The following APAF1 variants were observed in gnomAD, a reference collection of about 807,000 sequenced individuals.
APAF1 encodes apoptotic peptidase activating factor 1.
A neutral mutation model predicts 152.4 loss-of-function variants in APAF1; 91 were observed. The observed-to-expected ratio is 0.60, with a 90% confidence interval of 0.50 to 0.71. The LOEUF (loss-of-function observed/expected upper bound fraction) is 0.71, where lower values mean the gene tolerates loss of function less well. Among genes scored for constraint, APAF1 ranks in the 30% least tolerant of loss-of-function variants. APAF1 has a pLI of 0.00. For synonymous variants in APAF1, 484 were observed against 494.1 expected, an observed-to-expected ratio of 0.98 and a Z score of 0.27; for missense variants, 1,283 against 1,472.0, an observed-to-expected ratio of 0.87 and a Z score of 2.10.
In APAF1 at chr12:98,723,296, T is replaced by A; in HGVS notation, c.3188T>A (p.Phe1063Tyr). 1 of 1,613,652 alleles carries A rather than the reference T, an allele frequency of 6.2e-7. No individual in the cohort carries two copies. The highest frequency in any genetic ancestry group is 8.5e-7 in the Non-Finnish European group (1 of 1,179,628). The change falls in exon 23 of 27, where the codon TTT becomes TAT. Residue 1063 changes from phenylalanine (F) to tyrosine (Y), a missense_variant. Physicochemically the swap from Phe to Tyr is conservative, Grantham distance 22 (BLOSUM62 3). Coordinates refer to ENST00000551964, the MANE Select transcript of APAF1 (RefSeq NM_181861.2). ...AATTCAAGACTGCTTTCTTGGTCAT[T>A]TGATGGAACAGTGAAGGTAATTTAA... ...LKNSRLLSWS[F>Y]DGTVKVWNII... is the part of the protein sequence containing the mutation.
rs116988718 is a variant in APAF1, at chr12:98,723,188, T to C, written c.3085-5T>C. On this transcript the variant is annotated splice_polypyrimidine_tract_variant and splice_region_variant and intron_variant, in intron 22 of 26. Coordinates refer to ENST00000551964, the MANE Select transcript of APAF1 (RefSeq NM_181861.2). ...TTATAACAGACTTATTTCTTTGATA[T>C]TCAGGTATGGAATTGGCAATTGGAC... The C allele has an allele frequency of 4.8e-5, 77 of 1,613,098 alleles. No homozygotes were observed. Among genetic ancestry groups the C allele is most frequent in the Non-Finnish European group, 6.3e-5 (74 of 1,179,280 alleles).
chr12:98,711,002 G>T (rs1282453471), intron 20 of APAF1, among the ~76,000 whole-genome samples: 2 of 152,166 alleles, frequency 1.3e-5, no homozygotes, highest in African/African-American at 2.4e-5. Context: ...TTTACTGTGG[G>T]TGTCAAAATC....
At chr12:98,647,617 G>A (rs1372488594) in intron 1 of APAF1, among the ~76,000 whole-genome samples, 4 of 151,326 alleles carry the variant, frequency 2.6e-5, no homozygotes, top group Non-Finnish European at 2.9e-5. Flanking sequence ...TGATCCACCC[G>A]CCTCGGCCTC....
intron 16 of APAF1, among the ~76,000 whole-genome samples, chr12:98,696,787 C>T (rs2097710436): frequency 6.6e-6 from 1 of 152,114 alleles, no homozygotes; most frequent in South Asian, 2.1e-4. Flanking sequence ...TGAGCCACTG[C>T]ACCCTGCCGG....
chr12:98,662,105 A>G (rs2097666139), intron 5 of APAF1, among the ~76,000 whole-genome samples: 1 of 150,552 alleles, frequency 6.6e-6, no homozygotes, highest in African/African-American at 2.4e-5. Context: ...TGGTGCTTAA[A>G]GACTGAGTTG....
At chr12:98,691,620 C>A (rs940654554) in intron 16 of APAF1, among the ~76,000 whole-genome samples, 3 of 152,078 alleles carry the variant, frequency 2.0e-5, no homozygotes, top group Non-Finnish European at 4.4e-5. Flanking sequence ...TAGTCTAAGG[C>A]CCTCTGGATT....
At chr12:98,692,985 G>A (rs772814348) in intron 16 of APAF1, among the ~76,000 whole-genome samples, 4 of 151,804 alleles carry the variant, frequency 2.6e-5, no homozygotes, top group Admixed American at 1.3e-4. Context: ...CAAAGTCACC[G>A]AACAAATTTA....
chr12:98,724,791 T>A (rs1488491901), intron 24 of APAF1, among the ~76,000 whole-genome samples: 1 of 152,232 alleles, frequency 6.6e-6, no homozygotes, highest in African/African-American at 2.4e-5. Context: ...AGCTAGTTTA[T>A]CTTCTTGTAC....
intron 5 of APAF1, among the ~76,000 whole-genome samples, chr12:98,660,954 A>AT (rs1287169603): frequency 6.6e-6 from 1 of 152,150 alleles, no homozygotes; most frequent in Non-Finnish European, 1.5e-5. Flanking sequence ...TATTCGTTAT[A>AT]TTTTTATGGT....
At chr12:98,649,159 G>T in intron 3 of APAF1, 1 of 889,688 alleles carries the variant, frequency 1.1e-6, no homozygotes, top group Non-Finnish European at 1.3e-6. Flanking sequence ...TTCTTGAAAG[G>T]TATTCCATAA....
intron 1 of APAF1, 106 bp from the exon 2 acceptor site, chr12:98,648,212 GA>G (rs915275883): frequency 1.0e-5 from 12 of 1,158,344 alleles, no homozygotes; most frequent in Admixed American, 2.1e-5. Flanking sequence ...TTTTGCCAAG[GA>G]AAAAAAATCA....
intron 4 of APAF1, among the ~76,000 whole-genome samples, chr12:98,656,502 A>G (rs2097657858): frequency 1.3e-5 from 2 of 152,284 alleles, no homozygotes; most frequent in South Asian, 2.1e-4. Flanking sequence ...TACCTCAGTT[A>G]CTGTAGAGTT....
At position 98,715,408 on chromosome 12, in the gene APAF1, G is replaced by A. The variant is rs1238085405; in HGVS notation, c.2959-19G>A. 1 of 1,611,570 alleles carries A rather than the reference G, an allele frequency of 6.2e-7. No homozygotes were observed. Among genetic ancestry groups the A allele is most frequent in the Admixed American group, 1.7e-5 (1 of 59,848 alleles). Reference sequence around the variant, plus strand: ...TTGCTTAGTTTCTTCTTAATTTTCTGTGTTTTTCTGCTTTGAAGATTTTAG... The same window carrying A: ...TTGCTTAGTTTCTTCTTAATTTTCTATGTTTTTCTGCTTTGAAGATTTTAG... On this transcript the variant is annotated intron_variant, in intron 21 of 26. Transcript: ENST00000551964.
At chr12:98,728,085 T>C (rs2097753772) in intron 26 of APAF1, among the ~76,000 whole-genome samples, 1 of 152,166 alleles carries the variant, frequency 6.6e-6, no homozygotes, top group Non-Finnish European at 1.5e-5. Flanking sequence ...TTTCCTCAGA[T>C]CTTGGGGAAG....
At chr12:98,668,978 A>T (rs2097676833) in intron 10 of APAF1, among the ~76,000 whole-genome samples, 1 of 152,192 alleles carries the variant, frequency 6.6e-6, no homozygotes, top group African/African-American at 2.4e-5. Flanking sequence ...ACATTTGGAA[A>T]ACCATATGTA....
intron 10 of APAF1, 81 bp downstream of exon 10, chr12:98,667,725 A>AT (rs1310412599): frequency 9.8e-7 from 1 of 1,016,924 alleles, no homozygotes; most frequent in Non-Finnish European, 1.4e-6. Flanking sequence ...TTTTTCTGTT[A>AT]TTTTTTGTCT....
intron 22 of APAF1, among the ~76,000 whole-genome samples, chr12:98,721,941 GGCT>G (rs2097743522): frequency 1.3e-5 from 2 of 152,198 alleles, no homozygotes; most frequent in Non-Finnish European, 1.5e-5. Context: ...CTGTAGTTGT[GGCT>G]GCTTTTTCTT....
chr12:98,683,601 G>A lies in APAF1; in HGVS notation c.2178+327G>A, dbSNP rs372498851. On this transcript the variant is annotated intron_variant, in intron 15 of 26. Coordinates refer to ENST00000551964, the MANE Select transcript of APAF1 (RefSeq NM_181861.2). ...TGCTCTTTCTGTGGCAGAAAATGTG[G>A]CTACCTTACAGCTCACAATCACAGA... 5.3e-5 allele frequency among the ~76,000 whole-genome samples: 8 copies of A among 152,236 alleles called. 1 individual carries two copies. The highest frequency in any genetic ancestry group is 1.9e-4 in the East Asian group (1 of 5,186).
intron 16 of APAF1, among the ~76,000 whole-genome samples, chr12:98,691,223 T>A (rs998356106): frequency 2.0e-5 from 3 of 151,694 alleles, no homozygotes; most frequent in African/African-American, 7.3e-5. Flanking sequence ...AAAGAAAAAA[T>A]CCTGTACTTG....
Sources: gnomAD v4.1 joint callset for allele counts (sites outside exome capture counted in the v4.1 genomes callset) on GRCh38, gnomAD v4.1.1 for gene constraint, MANE v1.5 for transcripts, NCBI Gene and HGNC (gene_info 2026-07-23, HGNC 2026-07-21) for gene names.